The following ADAMTSL1 variants were observed in gnomAD, a reference collection of about 807,000 sequenced individuals.
ADAMTSL1 encodes ADAMTS like 1.
In ADAMTSL1, 126 loss-of-function variants were observed where a neutral mutation model predicts 201.8. The observed-to-expected ratio is 0.62, with a 90% CI of 0.54 to 0.72. ADAMTSL1 has a LOEUF of 0.72. Among genes scored for constraint, ADAMTSL1 ranks in the 30% least tolerant of loss-of-function variants. The pLI is 0.00. For synonymous variants in ADAMTSL1, 1,121 were observed against 903.4 expected, an observed-to-expected ratio of 1.24 and a Z score of -4.32; for missense variants, 2,679 against 2,277.8, an observed-to-expected ratio of 1.18 and a Z score of -3.59.
intron 1 of ADAMTSL1, among the ~76,000 whole-genome samples, chr9:18,131,953 T>C (rs72699476): frequency 0.039 from 5,902 of 152,200 alleles, 157 homozygotes; most frequent in Non-Finnish European, 0.063. Context: ...AGGAAGAAAG[T>C]GAAATACTTC....
intron 2 of ADAMTSL1, among the ~76,000 whole-genome samples, chr9:18,216,913 C>G (rs1830077122): frequency 6.6e-6 from 1 of 151,978 alleles, no homozygotes; most frequent in Admixed American, 6.6e-5. Context: ...GCTGTGTGGC[C>G]TAAACTTTTA....
At chr9:18,699,649 A>G (rs1350495802) in intron 13 of ADAMTSL1, among the ~76,000 whole-genome samples, 1 of 152,176 alleles carries the variant, frequency 6.6e-6, no homozygotes, top group Non-Finnish European at 1.5e-5. Flanking sequence ...TGTTTTTTAA[A>G]TTAAGTTCTT....
At chr9:18,891,656 G>A (rs1034807917) in intron 25 of ADAMTSL1, among the ~76,000 whole-genome samples, 2 of 152,204 alleles carry the variant, frequency 1.3e-5, no homozygotes, top group African/African-American at 2.4e-5. Flanking sequence ...GGACTGTCAC[G>A]CGGTCACGCC....
rs752168419 is a variant in ADAMTSL1, at chr9:18,626,839, T to TTTTCTTTC, written c.601+4492_601+4499dup. Among the ~76,000 whole-genome samples the TTTTCTTTC allele has an allele frequency of 7.6e-3, 1,011 of 133,234 alleles. 9 individuals carry two copies. The highest frequency in any genetic ancestry group is 0.015 in the Admixed American group (208 of 13,482). The allele number at this position is 133,234 out of a possible 152,430, so 87.4% of individuals were successfully genotyped here. The stretch of plus-strand genomic sequence containing the variant: ...TTTCTTTCTTTCTTTCTTACTTTCT[T>TTTTCTTTC]TTTCTTTCTTTCTTTCTTTCTTTCT... On this transcript the variant is annotated intron_variant, in intron 5 of 28. Transcript: ENST00000380548.
intron 2 of ADAMTSL1, among the ~76,000 whole-genome samples, chr9:18,208,106 G>C (rs1431424598): frequency 6.6e-6 from 1 of 151,780 alleles, no homozygotes; most frequent in African/African-American, 2.4e-5. Flanking sequence ...TTTTGTTAGG[G>C]GTACAAAAAT....
intron 2 of ADAMTSL1, among the ~76,000 whole-genome samples, chr9:18,314,918 TC>T (rs1308784710): frequency 1.4e-5 from 2 of 144,052 alleles, no homozygotes; most frequent in Non-Finnish European, 3.0e-5. Context: ...TGCCTCAGCC[TC>T]CCGAGTAGCT....
At chr9:18,569,084 T>C (rs1285110828) in intron 3 of ADAMTSL1, among the ~76,000 whole-genome samples, 6 of 152,212 alleles carry the variant, frequency 3.9e-5, no homozygotes, top group African/African-American at 7.2e-5. Flanking sequence ...TAGAATCTTG[T>C]ACATTTCACC....
chr9:18,655,873 T>C (rs1489519415), intron 7 of ADAMTSL1, among the ~76,000 whole-genome samples: 2 of 136,866 alleles, frequency 1.5e-5, no homozygotes, highest in African/African-American at 5.8e-5. Context: ...ACTACATCCC[T>C]AAGCAAGCAA....
chr9:18,092,629 C>A (rs951367471), intron 1 of ADAMTSL1, among the ~76,000 whole-genome samples: 1 of 152,126 alleles, frequency 6.6e-6, no homozygotes, highest in Non-Finnish European at 1.5e-5. Context: ...TACTTGTGGT[C>A]CAAAAGCTCC....
At chr9:18,020,866 T>C (rs956691014) in intron 1 of ADAMTSL1, among the ~76,000 whole-genome samples, 1 of 152,128 alleles carries the variant, frequency 6.6e-6, no homozygotes, top group Non-Finnish European at 1.5e-5. Flanking sequence ...TAACTGCAAC[T>C]CATTTACACT....
At position 18,894,287 on chromosome 9, in the gene ADAMTSL1, C is replaced by G. The variant is rs201994369; in HGVS notation, c.4851+1691C>G. Among the ~76,000 whole-genome samples the G allele has an allele frequency of 1.4e-4, 21 of 149,970 alleles. No individual in the cohort carries two copies. The East Asian group carries it at 3.5e-3, about 25-fold the overall frequency. On this transcript the variant is annotated intron_variant, in intron 26 of 28. Transcript: ENST00000380548. The stretch of plus-strand genomic sequence containing the variant: ...ATCACTTAAGAGGTTGAAGCTGCAA[C>G]GAGCTGTGATCATACCACTTTCACT...
intron 15 of ADAMTSL1, among the ~76,000 whole-genome samples, chr9:18,731,336 TA>T (rs1364419690): frequency 6.6e-6 from 1 of 152,202 alleles, no homozygotes; most frequent in Non-Finnish European, 1.5e-5. Context: ...AGGTAATTTA[TA>T]AAGAGAAGAG....
chr9:18,588,336 T>C (rs1823655001), intron 4 of ADAMTSL1, among the ~76,000 whole-genome samples: 1 of 151,948 alleles, frequency 6.6e-6, no homozygotes, highest in Admixed American at 6.6e-5. Context: ...TGCTCTTGAG[T>C]TGAGCTCCTT....
At chr9:17,916,094 G>C (rs1480848383) in intron 1 of ADAMTSL1, among the ~76,000 whole-genome samples, 1 of 152,200 alleles carries the variant, frequency 6.6e-6, no homozygotes, top group African/African-American at 2.4e-5. Context: ...TAATTTTTTT[G>C]TACTTTTAGT....
At chr9:18,781,469 G>A (rs1337832393) in intron 19 of ADAMTSL1, among the ~76,000 whole-genome samples, 1 of 152,138 alleles carries the variant, frequency 6.6e-6, no homozygotes, top group Non-Finnish European at 1.5e-5. Context: ...AATACGGCTG[G>A]AGCTTAGTTT....
intron 21 of ADAMTSL1, among the ~76,000 whole-genome samples, chr9:18,823,583 T>C (rs747319400): frequency 6.6e-6 from 1 of 152,154 alleles, no homozygotes; most frequent in African/African-American, 2.4e-5. Flanking sequence ...ACTCTCATTT[T>C]CTCTCCCCCT....
intron 2 of ADAMTSL1, among the ~76,000 whole-genome samples, chr9:18,208,060 G>C (rs1281665168): frequency 6.6e-6 from 1 of 151,990 alleles, no homozygotes; most frequent in Non-Finnish European, 1.5e-5. Flanking sequence ...AGAGTCTCAG[G>C]TTTTCTTGCC....
intron 1 of ADAMTSL1, among the ~76,000 whole-genome samples, chr9:18,107,065 G>C (rs1481992557): frequency 6.6e-6 from 1 of 151,976 alleles, no homozygotes; most frequent in Non-Finnish European, 1.5e-5. Context: ...TTTATTCATC[G>C]TTCTTCCCTG....
chr9:18,250,652 GCTGGGGC>G lies in ADAMTSL1; in HGVS notation c.207+86673_207+86679del, dbSNP rs544154230. On this transcript the variant is annotated intron_variant, in intron 2 of 29. Transcript: ENST00000680146. ...AACACCTGAATCAGTGCTGTGGATGGCTGGGGCCCTGGGAAGTGATGCCCATGGAAGT... is the reference window on the plus strand; with the variant it reads ...AACACCTGAATCAGTGCTGTGGATGGCCTGGGAAGTGATGCCCATGGAAGT... Among the ~76,000 whole-genome samples, 3 of 152,210 alleles carry G rather than the reference GCTGGGGC, an allele frequency of 2.0e-5. No individual in the cohort carries two copies. In the East Asian group the frequency reaches 5.8e-4, roughly 30 times the overall value.
Sources: allele counts gnomAD v4.1 joint callset (sites outside exome capture counted in the v4.1 genomes callset), GRCh38; gene constraint gnomAD v4.1.1; transcripts MANE v1.5; gene names NCBI Gene and HGNC (gene_info 2026-07-23, HGNC 2026-07-21).